Variants in RFX3 observed in about 807,000 individuals in gnomAD.
RFX3 encodes the protein transcription factor RFX3.
RFX3 carries 14 observed loss-of-function variants against 98.6 expected under a neutral mutation model. The observed-to-expected ratio is 0.14, with a 90% CI of 0.09 to 0.22. The LOEUF is 0.22. Ranked by LOEUF, RFX3 falls within the 10% of genes least tolerant of loss-of-function variation. The pLI, the probability that RFX3 is intolerant of heterozygous loss-of-function variation, is 1.00. For missense variants in RFX3, 639 were observed against 926.9 expected, an observed-to-expected ratio of 0.69 and a Z score of 4.03; for synonymous variants, 383 against 328.4, an observed-to-expected ratio of 1.17 and a Z score of -1.80.
intron 1 of RFX3, among the ~76,000 whole-genome samples, chr9:3,422,922 A>T (rs995354442): frequency 2.0e-5 from 3 of 152,206 alleles, no homozygotes; most frequent in African/African-American, 7.2e-5. Flanking sequence ...AAAAATAATT[A>T]AAAACCTCTA....
intron 1 of RFX3, among the ~76,000 whole-genome samples, chr9:3,471,651 A>T (rs1848786699): frequency 6.6e-6 from 1 of 152,224 alleles, no homozygotes; most frequent in African/African-American, 2.4e-5. Flanking sequence ...GACTTTTAAG[A>T]AAATTCTCAC....
At chr9:3,372,649 G>A (rs1837994013) in intron 2 of RFX3, among the ~76,000 whole-genome samples, 1 of 151,262 alleles carries the variant, frequency 6.6e-6, no homozygotes, top group African/African-American at 2.4e-5. Context: ...CCAGGTTTGA[G>A]AGATTCTCCT....
chr9:3,241,611 C>A (rs1338348400), intron 15 of RFX3, among the ~76,000 whole-genome samples: 1 of 152,122 alleles, frequency 6.6e-6, no homozygotes, highest in Admixed American at 6.5e-5. Flanking sequence ...TTCTCTGGAA[C>A]TTTGGGGTCA....
chr9:3,510,813 A>T (rs1817600592), intron 1 of RFX3, among the ~76,000 whole-genome samples: 1 of 152,052 alleles, frequency 6.6e-6, no homozygotes, highest in Non-Finnish European at 1.5e-5. Context: ...TAAACTTTAT[A>T]CTGGTGTTTT....
chr9:3,409,821 AT>A (rs1301869323), intron 1 of RFX3, among the ~76,000 whole-genome samples: 1 of 152,110 alleles, frequency 6.6e-6, no homozygotes, highest in African/African-American at 2.4e-5. Context: ...AAGTATTCAG[AT>A]CATCCAGTGC....
At chr9:3,394,000 G>A (rs75886223) in intron 2 of RFX3, among the ~76,000 whole-genome samples, 1 of 152,086 alleles carries the variant, frequency 6.6e-6, no homozygotes. Flanking sequence ...GAGAGAATAT[G>A]CTTAAAAGAA....
intron 4 of RFX3, among the ~76,000 whole-genome samples, chr9:3,315,008 T>A (rs1830425335): frequency 6.6e-6 from 1 of 152,256 alleles, no homozygotes; most frequent in South Asian, 2.1e-4. Flanking sequence ...TGAACTCAGC[T>A]CTGCACCAAG....
At chr9:3,506,912 G>A (rs927356679) in intron 1 of RFX3, among the ~76,000 whole-genome samples, 37 of 151,824 alleles carry the variant, frequency 2.4e-4, no homozygotes, top group Admixed American at 2.0e-4. Context: ...ATAAAAGTAA[G>A]ACTGCATTGC....
At chr9:3,521,236 A>T (rs71508568) in intron 1 of RFX3, among the ~76,000 whole-genome samples, 6 of 152,198 alleles carry the variant, frequency 3.9e-5, no homozygotes, top group South Asian at 2.1e-4. Context: ...AAATATCTAC[A>T]TAAGATAATC....
intron 2 of RFX3, among the ~76,000 whole-genome samples, chr9:3,381,138 C>A (rs1245003422): frequency 8.6e-5 from 13 of 151,886 alleles, no homozygotes; most frequent in Non-Finnish European, 2.9e-5. Flanking sequence ...CCTACCAAAT[C>A]AATGAACCCA....
intron 1 of RFX3, among the ~76,000 whole-genome samples, chr9:3,443,271 G>C (rs1357992808): frequency 2.0e-5 from 3 of 152,150 alleles, no homozygotes; most frequent in Admixed American, 6.6e-5. Context: ...TGTGTGTCAT[G>C]ATGGTTTGGT....
At chr9:3,484,753 T>C (rs1850099716) in intron 1 of RFX3, among the ~76,000 whole-genome samples, 1 of 152,182 alleles carries the variant, frequency 6.6e-6, no homozygotes, top group Non-Finnish European at 1.5e-5. Context: ...TAAGTTTTTG[T>C]TGCCTACCAC....
intron 4 of RFX3, among the ~76,000 whole-genome samples, chr9:3,320,724 A>T: frequency 7.3e-6 from 1 of 137,594 alleles, no homozygotes; most frequent in South Asian, 2.2e-4. Flanking sequence ...ACATACATAC[A>T]CACACATATG....
intron 2 of RFX3, among the ~76,000 whole-genome samples, chr9:3,383,951 G>A (rs1271976778): frequency 1.3e-5 from 2 of 152,012 alleles, no homozygotes; most frequent in South Asian, 2.1e-4. Context: ...TATTTTTCAG[G>A]GACAGAAAAG....
At chr9:3,420,659 G>C in intron 1 of RFX3, 1 of 353,250 alleles carries the variant, frequency 2.8e-6, no homozygotes, top group Non-Finnish European at 4.0e-6. Context: ...ATCCCACATA[G>C]ATAAAAGAAG....
intron 3 of RFX3, among the ~76,000 whole-genome samples, chr9:3,345,935 G>A (rs2131148995): frequency 6.6e-6 from 1 of 152,276 alleles, no homozygotes; most frequent in Middle Eastern, 3.4e-3. Context: ...AACACTGATG[G>A]GAGGTGGGCA....
chr9:3,244,478 T>C (rs1265849052), intron 15 of RFX3, among the ~76,000 whole-genome samples: 1 of 151,476 alleles, frequency 6.6e-6, no homozygotes, highest in East Asian at 1.9e-4. Flanking sequence ...TTTTTCCTCT[T>C]GTCTGTTGCA....
At chr9:3,226,022 T>C (rs905166918) in intron 16 of RFX3, among the ~76,000 whole-genome samples, 1 of 152,162 alleles carries the variant, frequency 6.6e-6, no homozygotes, top group Non-Finnish European at 1.5e-5. Flanking sequence ...AAAGCATCAT[T>C]ATAATAGAAT....
chr9:3,395,565 C>T lies in RFX3; in HGVS notation c.24G>A (p.Ser8=), dbSNP rs781593822. Residue 8 remains serine, a synonymous_variant, in exon 2 of 17, where the codon TCG becomes TCA. Transcript: ENST00000617270. ...GTAAGGTCACTGTCGAGCCTGTGTC[C>T]GACCCAGTCTCTGATGTCTGCATGA... The part of the protein sequence containing the change: MQTSETG[S]DTGSTVTLQT... 1.1e-5 allele frequency: 17 copies of T among 1,613,966 alleles called. No individual in the cohort carries two copies. Among genetic ancestry groups the T allele is most frequent in the Middle Eastern group, 1.7e-4 (1 of 6,060 alleles).
Sources: allele counts gnomAD v4.1 joint callset (sites outside exome capture counted in the v4.1 genomes callset), GRCh38; gene constraint gnomAD v4.1.1; transcripts MANE v1.5; gene names NCBI Gene and HGNC (gene_info 2026-07-23, HGNC 2026-07-21).